The following CDH13 variants were observed in gnomAD, a reference collection of about 807,000 sequenced individuals.
CDH13 encodes cadherin-13.
A neutral mutation model predicts 63.8 loss-of-function variants in CDH13; 24 were observed. The observed-to-expected ratio is 0.38, with a 90% CI of 0.27 to 0.53. CDH13 has a LOEUF of 0.53. Among genes scored for constraint, CDH13 ranks in the 20% least tolerant of loss-of-function variants. The pLI, the probability that CDH13 is intolerant of heterozygous loss-of-function variation, is 0.85. For missense variants in CDH13, 1,049 were observed against 903.1 expected (o/e 1.16, Z -2.07); for synonymous variants, 503 against 355.3 (o/e 1.42, Z -4.67).
At chr16:83,003,866 A>G (rs1022436123) in intron 2 of CDH13, among the ~76,000 whole-genome samples, 2 of 152,236 alleles carry the variant, frequency 1.3e-5, no homozygotes, top group African/African-American at 4.8e-5. Context: ...GAGCTTACAT[A>G]TCTATGATGC....
In CDH13 at chr16:83,450,385, C is replaced by G. The variant is rs148202428; in HGVS notation, c.782-36092C>G. 3.3e-3 allele frequency among the ~76,000 whole-genome samples: 510 copies of G among 152,262 alleles called. 4 individuals are homozygous for G. The highest frequency in any genetic ancestry group is 0.012 in the African/African-American group (488 of 41,544). The stretch of plus-strand genomic sequence containing the variant: ...CTCAGTCCCTCTGAGACTCTGTTTG[C>G]TCCTCTGAAAAATGGGTGGTGTTGT... On this transcript the variant is annotated intron_variant, in intron 6 of 13. Transcript: ENST00000567109.
At chr16:83,219,850 T>C (rs1004219598) in intron 5 of CDH13, among the ~76,000 whole-genome samples, 1 of 152,228 alleles carries the variant, frequency 6.6e-6, no homozygotes, top group Admixed American at 6.5e-5. Flanking sequence ...CTTGCTTTCA[T>C]GTATCTTTTA....
chr16:83,794,759 G>T (rs1254727673), intron 13 of CDH13, among the ~76,000 whole-genome samples: 1 of 152,000 alleles, frequency 6.6e-6, no homozygotes, highest in Admixed American at 6.6e-5. Flanking sequence ...CATTGGTAAC[G>T]GTGGTAATAG....
chr16:82,880,339 C>G (rs191792432), intron 2 of CDH13, among the ~76,000 whole-genome samples: 2 of 152,160 alleles, frequency 1.3e-5, no homozygotes, highest in East Asian at 3.9e-4. Flanking sequence ...GACTGTCTCT[C>G]GTTTCACTTA....
rs549590536 is a variant in CDH13, at chr16:83,093,294, C to CTTTTTTTTT, written c.367-32061_367-32053dup. Among the ~76,000 whole-genome samples the CTTTTTTTTT allele has an allele frequency of 3.7e-4, 13 of 35,326 alleles. 4 individuals are homozygous for CTTTTTTTTT. Among genetic ancestry groups the CTTTTTTTTT allele is most frequent in the Non-Finnish European group, 3.9e-4 (7 of 17,918 alleles). The allele number at this position is 35,326 out of a possible 152,430, so 23.2% of individuals were successfully genotyped here. Reference sequence around the variant, plus strand: ...TTGTCCTGTGGAAACACCATAAGTACTTTTTTTTTTTTTTTTTTTTTTTTT... The same window carrying CTTTTTTTTT: ...TTGTCCTGTGGAAACACCATAAGTACTTTTTTTTTTTTTTTTTTTTTTTTTTTTTTTTTT... On this transcript the variant is annotated intron_variant, in intron 3 of 13. Transcript: ENST00000567109.
intron 6 of CDH13, among the ~76,000 whole-genome samples, chr16:83,392,253 A>G (rs1160209809): frequency 1.3e-5 from 2 of 152,176 alleles, no homozygotes; most frequent in Non-Finnish European, 2.9e-5. Flanking sequence ...CATCTGTGAT[A>G]TGGGTGCATG....
chr16:82,859,065 T>C (rs182628068), intron 2 of CDH13: 1 of 152,482 alleles, frequency 6.6e-6, no homozygotes, highest in African/African-American at 2.4e-5. Flanking sequence ...GTGGTGATGA[T>C]CTCTTTTTGT....
At chr16:82,704,515 A>T (rs1463666470) in intron 1 of CDH13, among the ~76,000 whole-genome samples, 1 of 152,216 alleles carries the variant, frequency 6.6e-6, no homozygotes, top group Non-Finnish European at 1.5e-5. Flanking sequence ...CTCAAGACCT[A>T]AGGGAGATAG....
intron 3 of CDH13, among the ~76,000 whole-genome samples, chr16:83,046,469 CTT>C (rs886882559): frequency 3.5e-4 from 54 of 152,268 alleles, no homozygotes; most frequent in African/African-American, 1.2e-3. Flanking sequence ...GAAAAGAAAA[CTT>C]TTAAATAATA....
chr16:83,263,677 G>A (rs1347527478), intron 5 of CDH13, among the ~76,000 whole-genome samples: 1 of 152,170 alleles, frequency 6.6e-6, no homozygotes, highest in Non-Finnish European at 1.5e-5. Context: ...TGAGGCTTTT[G>A]ACTGGCTTCC....
intron 5 of CDH13, among the ~76,000 whole-genome samples, chr16:83,342,995 T>C (rs1451329415): frequency 6.6e-6 from 1 of 151,998 alleles, no homozygotes; most frequent in Non-Finnish European, 1.5e-5. Flanking sequence ...TCATAATAGC[T>C]TAAAAAAAAC....
chr16:83,266,626 A>G (rs1907656950), intron 5 of CDH13, among the ~76,000 whole-genome samples: 1 of 152,228 alleles, frequency 6.6e-6, no homozygotes, highest in African/African-American at 2.4e-5. Flanking sequence ...TGGAAAAGGT[A>G]GACTGTGCCC....
intron 3 of CDH13, among the ~76,000 whole-genome samples, chr16:83,060,399 G>A (rs1317949849): frequency 1.3e-5 from 2 of 152,214 alleles, no homozygotes; most frequent in East Asian, 3.9e-4. Context: ...ATAAATTGCA[G>A]GCCTTCTTTG....
intron 6 of CDH13, among the ~76,000 whole-genome samples, chr16:83,453,869 G>A (rs1361355150): frequency 6.6e-6 from 1 of 152,206 alleles, no homozygotes; most frequent in Non-Finnish European, 1.5e-5. Flanking sequence ...TAATGACCCT[G>A]CCTTTGTAGT....
Position 83,738,355 on chromosome 16 carries a change from C to G in CDH13, c.1539-9753C>G, listed in dbSNP as rs553877884. ...AAAACGTGTGTGTTTATGTATACAT[C>G]GATACATAGGCTGGAAGCCTCTAGG... On this transcript the variant is annotated intron_variant, in intron 10 of 13. Coordinates refer to ENST00000567109, the MANE Select transcript of CDH13 (RefSeq NM_001257.5). Among the ~76,000 whole-genome samples, 4 of 152,294 alleles carry G rather than the reference C, an allele frequency of 2.6e-5. 1 individual carries two copies. The East Asian group carries it at 5.8e-4, about 22-fold the overall frequency.
chr16:82,947,350 A>G (rs1904844773), intron 2 of CDH13, among the ~76,000 whole-genome samples: 1 of 152,178 alleles, frequency 6.6e-6, no homozygotes, highest in African/African-American at 2.4e-5. Context: ...GTGACGGTCA[A>G]GAGTATAACG....
Position 82,705,272 on chromosome 16 carries a change from C to T in CDH13, c.45+78135C>T, listed in dbSNP as rs550809603. 1.9e-5 allele frequency: 8 copies of T among 416,038 alleles called. No individual in the cohort carries two copies. The East Asian group carries it at 5.7e-4, about 29-fold the overall frequency. The allele number at this position is 416,038 out of a possible 1,614,324, so 25.8% of individuals were successfully genotyped here. A position where few individuals can be genotyped will look rare whatever the true frequency, so the allele number is the denominator to read the frequency against. Reference sequence around the variant, plus strand: ...CTGCACTTCAAGAGACCACGTTGGACAGGTGAGATGTCCAATATATTCTTA... The same window carrying T: ...CTGCACTTCAAGAGACCACGTTGGATAGGTGAGATGTCCAATATATTCTTA... On this transcript the variant is annotated intron_variant, in intron 1 of 13. Coordinates refer to ENST00000567109, the MANE Select transcript of CDH13 (RefSeq NM_001257.5).
At chr16:82,873,224 T>C (rs2040400991) in intron 2 of CDH13, among the ~76,000 whole-genome samples, 1 of 152,184 alleles carries the variant, frequency 6.6e-6, no homozygotes, top group African/African-American at 2.4e-5. Flanking sequence ...CAGTTTGAGA[T>C]ACTGTGATCC....
intron 4 of CDH13, among the ~76,000 whole-genome samples, chr16:83,191,464 T>TATAG (rs1567492920): frequency 1.1e-4 from 10 of 92,494 alleles, no homozygotes; most frequent in Non-Finnish European, 1.5e-4. Context: ...AGGAAATATA[T>TATAG]ATATATATAT....
Sources: gnomAD v4.1 joint callset for allele counts (sites outside exome capture counted in the v4.1 genomes callset) on GRCh38, gnomAD v4.1.1 for gene constraint, MANE v1.5 for transcripts, NCBI Gene and HGNC (gene_info 2026-07-23, HGNC 2026-07-21) for gene names.